COBLL1: variants seen among roughly 807,000 people sequenced by gnomAD.
COBLL1 encodes the protein cordon-bleu protein-like 1.
COBLL1 carries 50 observed loss-of-function variants against 94.8 expected under a neutral mutation model. The ratio of observed to expected loss-of-function variants is 0.53; its 90% confidence interval spans 0.42 to 0.67. The LOEUF (loss-of-function observed/expected upper bound fraction) is 0.67, where lower values mean the gene tolerates loss of function less well. Among genes scored for constraint, COBLL1 ranks in the 30% least tolerant of loss-of-function variants. COBLL1 has a pLI of 0.00. For synonymous variants in COBLL1, 448 were observed against 473.8 expected (o/e 0.95, Z 0.71); for missense variants, 1,362 against 1,348.7 (o/e 1.01, Z -0.15).
At chr2:164,719,378 C>T (rs558369150) in intron 7 of COBLL1, among the ~76,000 whole-genome samples, 9 of 152,190 alleles carry the variant, frequency 5.9e-5, no homozygotes, top group African/African-American at 2.2e-4. Flanking sequence ...CCTAGGGCTG[C>T]CCTAACAAAT....
intron 2 of COBLL1, among the ~76,000 whole-genome samples, chr2:164,811,361 G>C (rs1574632383): frequency 6.6e-6 from 1 of 151,942 alleles, no homozygotes; most frequent in Non-Finnish European, 1.5e-5. Flanking sequence ...AGAACTATAG[G>C]TAATTTTACC....
Position 164,730,124 on chromosome 2 carries a change from CAA to C in COBLL1, c.231-11_231-10del. 6.2e-7 allele frequency: 1 copy of C among 1,605,644 alleles called. No individual in the cohort carries two copies. Among genetic ancestry groups the C allele is most frequent in the Non-Finnish European group, 8.5e-7 (1 of 1,172,604 alleles). On this transcript the variant is annotated splice_polypyrimidine_tract_variant and intron_variant, in intron 3 of 13. Transcript: ENST00000652658. ...AGTCCATCATAGGTTTACTGTAAAACAAGAGTATTTCATTACCCGTTATTGTT... is the reference window on the plus strand; with the variant it reads ...AGTCCATCATAGGTTTACTGTAAAACGAGTATTTCATTACCCGTTATTGTT...
chr2:164,725,134 A>ATATATATATATATATATATATATATAT (rs1558956185), intron 5 of COBLL1: 3 of 55,390 alleles, frequency 5.4e-5, no homozygotes, highest in African/African-American at 1.2e-4. Context: ...ATATATATAT[A>ATATATATATATATATATATATATATAT]AAATGAAAGC....
At chr2:164,689,588 T>C (rs978697153) in intron 13 of COBLL1, among the ~76,000 whole-genome samples, 4 of 152,180 alleles carry the variant, frequency 2.6e-5, no homozygotes, top group South Asian at 4.1e-4. Context: ...AAAAATTCAC[T>C]AAATGTAAAT....
At chr2:164,696,040 G>A (rs1023280483) in intron 11 of COBLL1, 3 of 488,166 alleles carry the variant, frequency 6.1e-6, no homozygotes, top group African/African-American at 4.0e-5. Context: ...TGGAATCCCT[G>A]GCTTAACTAG....
intron 2 of COBLL1, among the ~76,000 whole-genome samples, chr2:164,759,466 A>G (rs529164592): frequency 1.2e-4 from 19 of 152,126 alleles, no homozygotes; most frequent in Non-Finnish European, 2.5e-4. Flanking sequence ...AAAACATAAG[A>G]AAAAAATCTT....
At chr2:164,743,928 C>T in intron 2 of COBLL1, 53 bp from the exon 3 acceptor site, 1 of 1,249,650 alleles carries the variant, frequency 8.0e-7, no homozygotes, top group Non-Finnish European at 1.1e-6. Context: ...TTTAAGGTAA[C>T]TTTTTAATAT....
chr2:164,662,084 G>A (rs1383447132), intron 2 of COBLL1, among the ~76,000 whole-genome samples: 2 of 152,162 alleles, frequency 1.3e-5, no homozygotes, highest in Admixed American at 6.5e-5. Context: ...GTTTTGAATT[G>A]AGAGTATTTT....
chr2:164,804,751 C>A (rs1216372160), intron 2 of COBLL1, among the ~76,000 whole-genome samples: 1 of 152,154 alleles, frequency 6.6e-6, no homozygotes, highest in East Asian at 1.9e-4. Flanking sequence ...AAAACACTTA[C>A]CTGGTTTACG....
chr2:164,819,333 GACAT>G (rs1328169893), intron 2 of COBLL1, among the ~76,000 whole-genome samples: 1 of 151,940 alleles, frequency 6.6e-6, no homozygotes, highest in Non-Finnish European at 1.5e-5. Flanking sequence ...GAGAAGAATG[GACAT>G]ACAAACATAA....
chr2:164,732,165 TAAATC>T (rs1486048359), intron 3 of COBLL1, among the ~76,000 whole-genome samples: 1 of 152,206 alleles, frequency 6.6e-6, no homozygotes, highest in East Asian at 1.9e-4. Flanking sequence ...GAAAAATAAA[TAAATC>T]AAAGGTTCTA....
At chr2:164,790,332 G>C (rs1178180312) in intron 2 of COBLL1, among the ~76,000 whole-genome samples, 1 of 152,058 alleles carries the variant, frequency 6.6e-6, no homozygotes, top group Non-Finnish European at 1.5e-5. Context: ...CTGAGCTGTT[G>C]GGTTATGCTC....
intron 7 of COBLL1, among the ~76,000 whole-genome samples, chr2:164,713,423 C>G (rs1292569162): frequency 6.6e-6 from 1 of 152,098 alleles, no homozygotes; most frequent in African/African-American, 2.4e-5. Context: ...CTGCTCCTAC[C>G]AATCTGCTGA....
chr2:164,840,266 T>C (rs984027224), intron 2 of COBLL1, among the ~76,000 whole-genome samples: 1 of 152,166 alleles, frequency 6.6e-6, no homozygotes. Context: ...GAAAATAAAC[T>C]ATGTTGGAGG....
intron 2 of COBLL1, among the ~76,000 whole-genome samples, chr2:164,779,405 A>G (rs1383762628): frequency 6.6e-6 from 1 of 152,090 alleles, no homozygotes; most frequent in Non-Finnish European, 1.5e-5. Flanking sequence ...CCCGACAGGA[A>G]AAGCCAGGGA....
At chr2:164,674,768 TATAAC>T (rs1176045979) in intron 1 of COBLL1, among the ~76,000 whole-genome samples, 1 of 152,214 alleles carries the variant, frequency 6.6e-6, no homozygotes, top group Non-Finnish European at 1.5e-5. Flanking sequence ...GCATGAATAA[TATAAC>T]ATAGTTCTAA....
intron 2 of COBLL1, among the ~76,000 whole-genome samples, chr2:164,829,244 A>G (rs753499060): frequency 6.6e-6 from 1 of 152,158 alleles, no homozygotes; most frequent in Non-Finnish European, 1.5e-5. Flanking sequence ...AGATCACAGA[A>G]GTGCTCCACA....
chr2:164,695,483 T>C lies in COBLL1; in HGVS notation c.1909A>G (p.Asn637Asp). The change falls in exon 12 of 14, where the codon AAC (asparagine) becomes GAC (aspartate). Residue 637 changes from asparagine to aspartate, a missense_variant. Physicochemically the swap from Asn to Asp is conservative, Grantham distance 23 (BLOSUM62 1). Coordinates refer to ENST00000652658, the MANE Select transcript of COBLL1 (RefSeq NM_001365672.2). ...AAGCATGAGTGTTGAGTTGATATGT[T>C]GTTATTTGAAGTTTGCACACATTCT... ...VEECVQTSNN[N>D]ISTQHSCLSS... 6.2e-7 allele frequency: 1 copy of C among 1,613,982 alleles called. No individual in the cohort carries two copies.
At chr2:164,797,254 A>T (rs1683512293) in intron 2 of COBLL1, among the ~76,000 whole-genome samples, 1 of 152,186 alleles carries the variant, frequency 6.6e-6, no homozygotes, top group Admixed American at 6.5e-5. Flanking sequence ...ATCTGCCCAT[A>T]TTAAATAAGC....
Sources: allele counts gnomAD v4.1 joint callset (sites outside exome capture counted in the v4.1 genomes callset), GRCh38; gene constraint gnomAD v4.1.1; transcripts MANE v1.5; gene names NCBI Gene and HGNC (gene_info 2026-07-23, HGNC 2026-07-21).